Variants in TMEM266 observed in about 807,000 individuals in gnomAD.
The protein encoded by TMEM266 is Hv1 related protein 1.
In TMEM266, 33 loss-of-function variants were observed where a neutral mutation model predicts 50.5. The ratio of observed to expected loss-of-function variants is 0.65; its 90% CI spans 0.50 to 0.87. TMEM266 has a LOEUF of 0.87. Among genes scored for constraint, TMEM266 ranks in the 40% least tolerant of loss-of-function variants. The pLI is 0.00. For synonymous variants in TMEM266, 310 were observed against 292.3 expected, an observed-to-expected ratio of 1.06 and a Z score of -0.62; for missense variants, 655 against 695.1, an observed-to-expected ratio of 0.94 and a Z score of 0.65.
chr15:76,120,230 A>G (rs543904088), intron 1 of TMEM266, among the ~76,000 whole-genome samples: 1 of 152,192 alleles, frequency 6.6e-6, no homozygotes, highest in South Asian at 2.1e-4. Context: ...AAATCTAAAA[A>G]GAAACCGTAT....
At chr15:76,169,225 T>G (rs1351388677) in intron 5 of TMEM266, among the ~76,000 whole-genome samples, 1 of 152,002 alleles carries the variant, frequency 6.6e-6, no homozygotes, top group Non-Finnish European at 1.5e-5. Context: ...TTGGCCAGAA[T>G]GTAGTCACAA....
chr15:76,187,545 A>G (rs2038505718), intron 8 of TMEM266, among the ~76,000 whole-genome samples: 1 of 152,194 alleles, frequency 6.6e-6, no homozygotes, highest in Non-Finnish European at 1.5e-5. Context: ...GCACCCTGTC[A>G]TCCTGCACAA....
At chr15:76,123,036 C>T (rs991892098) in intron 1 of TMEM266, among the ~76,000 whole-genome samples, 4 of 151,600 alleles carry the variant, frequency 2.6e-5, no homozygotes, top group Admixed American at 2.0e-4. Context: ...TGACAGACTA[C>T]ATCACTAAGT....
chr15:76,083,962 A>G lies in TMEM266; in HGVS notation c.-97+23946A>G, dbSNP rs535056405. On this transcript the variant is annotated intron_variant, in intron 1 of 10. Coordinates refer to ENST00000388942, the MANE Select transcript of TMEM266 (RefSeq NM_152335.3). ...CAGGCTCTGTATGTTATTGGAGCAC[A>G]CATTGTAGCAGTTAACTTGGGGTGG... Among the ~76,000 whole-genome samples the G allele has an allele frequency of 3.9e-5, 6 of 152,266 alleles. No individual in the cohort carries two copies. The East Asian group carries it at 1.2e-3, about 29-fold the overall frequency.
Position 76,191,950 on chromosome 15 carries a change from G to T in TMEM266, c.769-18G>T. On this transcript the variant is annotated intron_variant, in intron 8 of 10. Coordinates refer to ENST00000388942, the MANE Select transcript of TMEM266 (RefSeq NM_152335.3). ...GGCCCCTCGCCGCTGATTCAGCCTT[G>T]CCCGTCTCCCTCCGCAGTTTGAGAT... 1 of 1,571,086 alleles carries T rather than the reference G, an allele frequency of 6.4e-7. No individual in the cohort carries two copies. The highest frequency in any genetic ancestry group is 8.6e-7 in the Non-Finnish European group (1 of 1,165,086).
chr15:76,121,189 G>A (rs2037338973), intron 1 of TMEM266, among the ~76,000 whole-genome samples: 1 of 152,090 alleles, frequency 6.6e-6, no homozygotes, highest in African/African-American at 2.4e-5. Context: ...GATGGAGCAG[G>A]GAAGTTGAAA....
chr15:76,204,166 A>G lies in TMEM266; in HGVS notation c.1447A>G (p.Ser483Gly). The G allele has an allele frequency of 1.9e-6, 3 of 1,613,716 alleles. No homozygotes were observed. Among genetic ancestry groups the G allele is most frequent in the Non-Finnish European group, 8.5e-7 (1 of 1,179,998 alleles). ...CAGCCCCGAGCTGGAACACAGGGTAAGTCTGTTCAACCAGAAGAACCAGGA... is the reference window on the plus strand; with the variant it reads ...CAGCCCCGAGCTGGAACACAGGGTAGGTCTGTTCAACCAGAAGAACCAGGA... Residue 483 changes from serine (S) to glycine (G), a missense_variant, in exon 11 of 11, where the codon AGT becomes GGT. Physicochemically the swap from Ser to Gly is moderately conservative, Grantham distance 56. Coordinates refer to ENST00000388942, the MANE Select transcript of TMEM266 (RefSeq NM_152335.3).
chr15:76,070,289 A>G (rs567670549), intron 1 of TMEM266, among the ~76,000 whole-genome samples: 1 of 152,342 alleles, frequency 6.6e-6, no homozygotes, highest in African/African-American at 2.4e-5. Flanking sequence ...GATGAAGATG[A>G]GGCATGAAAG....
At chr15:76,157,860 C>T (rs538823720) in intron 4 of TMEM266, among the ~76,000 whole-genome samples, 152 of 152,200 alleles carry the variant, frequency 1.0e-3, no homozygotes, top group Non-Finnish European at 1.1e-3. Context: ...TAGTGGCACA[C>T]GCCTGTAGTC....
intron 1 of TMEM266, among the ~76,000 whole-genome samples, chr15:76,130,141 A>G (rs1775732685): frequency 7.4e-6 from 1 of 135,882 alleles, no homozygotes; most frequent in South Asian, 2.4e-4. Context: ...GATCACTTTT[A>G]GCCCAGGAGT....
rs536982843 is a variant in TMEM266 at position 76,153,868 on chromosome 15, G to A, written c.228-2736G>A. On this transcript the variant is annotated intron_variant, in intron 3 of 10. Transcript: ENST00000388942. This position sits in a 1 kb window ranked among gnomAD's most constrained non-coding sequence, Gnocchi z 4.2. ...AGGCTCGTTAATGGATGGAAGCGCT[G>A]TGCCGCTGGCACTGCTGCGGGCAGC... Among the ~76,000 whole-genome samples, 1 of 152,170 alleles carries A rather than the reference G, an allele frequency of 6.6e-6. No homozygotes were observed. The highest frequency in any genetic ancestry group is 1.5e-5 in the Non-Finnish European group (1 of 68,020).
intron 8 of TMEM266, among the ~76,000 whole-genome samples, chr15:76,185,965 C>G (rs1013585761): frequency 6.6e-6 from 1 of 152,202 alleles, no homozygotes; most frequent in Non-Finnish European, 1.5e-5. Flanking sequence ...AAAGTCAGGG[C>G]AAGGGAGGGG....
chr15:76,171,277 C>T (rs2038184592), intron 7 of TMEM266, 146 bp downstream of exon 7: 3 of 1,175,302 alleles, frequency 2.6e-6, no homozygotes, highest in East Asian at 2.6e-5. Flanking sequence ...GGCCAGCTGT[C>T]CCTGCTCACT....
intron 8 of TMEM266, among the ~76,000 whole-genome samples, chr15:76,181,746 C>T (rs1007520475): frequency 6.6e-6 from 1 of 152,144 alleles, no homozygotes; most frequent in Non-Finnish European, 1.5e-5. Flanking sequence ...ATTTTAGATG[C>T]AGCAGTTAAA....
chr15:76,094,335 G>A (rs1309650966), intron 1 of TMEM266, among the ~76,000 whole-genome samples: 2 of 152,024 alleles, frequency 1.3e-5, no homozygotes, highest in Non-Finnish European at 2.9e-5. Context: ...TCTGCAGATG[G>A]CTAGCCAGTT....
At chr15:76,103,809 G>A (rs903129623) in intron 1 of TMEM266, among the ~76,000 whole-genome samples, 3 of 151,968 alleles carry the variant, frequency 2.0e-5, no homozygotes, top group African/African-American at 7.3e-5. Flanking sequence ...CTACTTGGGA[G>A]GCTGAGGCAG....
chr15:76,153,514 G>A lies in TMEM266; in HGVS notation c.228-3090G>A, dbSNP rs912562582. ...TGACATGCCATCAGTTTTAGGGGCCGCAGACAACGGTAATGGGCATTGGGG... is the reference window on the plus strand; with the variant it reads ...TGACATGCCATCAGTTTTAGGGGCCACAGACAACGGTAATGGGCATTGGGG... On this transcript the variant is annotated intron_variant, in intron 3 of 10. Transcript: ENST00000388942. The surrounding 1 kb of genome is among the most constrained non-coding windows in gnomAD (Gnocchi z 4.2). 3.3e-5 allele frequency among the ~76,000 whole-genome samples: 5 copies of A among 152,174 alleles called. No individual in the cohort carries two copies. The highest frequency in any genetic ancestry group is 7.2e-5 in the African/African-American group (3 of 41,432).
intron 1 of TMEM266, among the ~76,000 whole-genome samples, chr15:76,087,466 G>C (rs2036792747): frequency 6.6e-6 from 1 of 152,150 alleles, no homozygotes; most frequent in Non-Finnish European, 1.5e-5. Flanking sequence ...ATTTTTGGTG[G>C]CAGTAGATGA....
At chr15:76,152,383 G>T (rs1037347221) in intron 3 of TMEM266, among the ~76,000 whole-genome samples, 5 of 152,230 alleles carry the variant, frequency 3.3e-5, no homozygotes, top group Non-Finnish European at 7.3e-5. Context: ...GCCCAGAGCA[G>T]CGTGGCACAG....
Sources: gnomAD v4.1 joint callset for allele counts (sites outside exome capture counted in the v4.1 genomes callset) on GRCh38, gnomAD v4.1.1 for gene constraint, Gnocchi (gnomAD v3.1) non-coding constraint, MANE v1.5 for transcripts, NCBI Gene and HGNC (gene_info 2026-07-23, HGNC 2026-07-21) for gene names.